Variants in LRRC75A observed in about 807,000 individuals in gnomAD.
LRRC75A encodes leucine-rich repeat-containing protein 75A.
In LRRC75A, 12 loss-of-function variants were observed where a neutral mutation model predicts 26.0. The ratio of observed to expected loss-of-function variants is 0.46; its 90% CI spans 0.30 to 0.75. LRRC75A has a LOEUF of 0.75. Among genes scored for constraint, LRRC75A ranks in the 30% least tolerant of loss-of-function variants. LRRC75A has a pLI of 0.08. For missense variants in LRRC75A, 410 were observed against 486.6 expected, an observed-to-expected ratio of 0.84 and a Z score of 1.48; for synonymous variants, 223 against 219.3, an observed-to-expected ratio of 1.02 and a Z score of -0.15.
rs1452730411 is a variant in LRRC75A at position 16,492,114 on chromosome 17, C to T, written c.-124G>A. 11 of 807,584 alleles carry T rather than the reference C, an allele frequency of 1.4e-5. No homozygotes were observed. The highest frequency in any genetic ancestry group is 1.7e-5 in the Non-Finnish European group (11 of 663,960). The allele number at this position is 807,584 out of a possible 1,614,324, so 50.0% of individuals were successfully genotyped here. A position where few individuals can be genotyped will look rare whatever the true frequency, so the allele number is the denominator to read the frequency against. ...CTGCAACTTTGGGGGAACTGTTGCG[C>T]GCGGGCGTCGCGGGGGCGGGCGGGC... On this transcript the variant is annotated 5_prime_UTR_variant, in exon 1 of 4. Coordinates refer to ENST00000470794, the MANE Select transcript of LRRC75A (RefSeq NM_001113567.3).
rs1204371573 is a variant in LRRC75A at position 16,441,992 on chromosome 17, A to G, written c.*1596T>C. 1 of 152,770 alleles carries G rather than the reference A, an allele frequency of 6.5e-6. No homozygotes were observed. Among genetic ancestry groups the G allele is most frequent in the East Asian group, 1.9e-4 (1 of 5,208 alleles). 9.5% of individuals were successfully genotyped at this position (152,770 alleles called of 1,614,324 possible). On this transcript the variant is annotated 3_prime_UTR_variant, in exon 4 of 4. Transcript: ENST00000470794. ...CATGCAGTTACCATGAACTAATACT[A>G]CAATAAAGGATGGTCTTGGGTGTCA...
chr17:16,489,505 C>A (rs2093853172), intron 1 of LRRC75A, among the ~76,000 whole-genome samples: 1 of 152,232 alleles, frequency 6.6e-6, no homozygotes, highest in Admixed American at 6.5e-5. Context: ...ACATCACCAC[C>A]ACCAGACTAG....
rs1240765741 is a variant in LRRC75A, at chr17:16,462,377, T to A, written c.256A>T (p.Met86Leu). 6.8e-6 allele frequency: 11 copies of A among 1,614,054 alleles called. No homozygotes were observed. Among genetic ancestry groups the A allele is most frequent in the African/African-American group, 5.3e-5 (4 of 75,070 alleles). The change falls in exon 2 of 4, where the codon ATG (methionine) becomes TTG (leucine). Residue 86 changes from methionine (M) to leucine (L), a missense_variant. Physicochemically the swap from Met to Leu is conservative, Grantham distance 15. Coordinates refer to ENST00000470794, the MANE Select transcript of LRRC75A (RefSeq NM_001113567.3). The surrounding 1 kb of genome is among the most constrained non-coding windows in gnomAD (Gnocchi z 4.6). ...ACGTCGTCTAGCGAGGTCGACTCCA[T>A]GCCCAGGTCCTGCAAGAGCAAAGGA... ...LLQHLRQDLG[M>L]ESTSLDDVLY...
At chr17:16,485,006 C>T (rs1193988566) in intron 1 of LRRC75A, among the ~76,000 whole-genome samples, 1 of 150,754 alleles carries the variant, frequency 6.6e-6, no homozygotes, top group African/African-American at 2.4e-5. Context: ...TGGAGAGCCA[C>T]GTGGGCACTG....
chr17:16,466,692 C>T (rs1049034032), intron 1 of LRRC75A, among the ~76,000 whole-genome samples: 1 of 152,120 alleles, frequency 6.6e-6, no homozygotes, highest in Non-Finnish European at 1.5e-5. Flanking sequence ...GGACCCAGCA[C>T]ACAGCAGCAC....
chr17:16,446,152 G>A (rs1319163757), intron 3 of LRRC75A, among the ~76,000 whole-genome samples: 4 of 152,104 alleles, frequency 2.6e-5, no homozygotes, highest in South Asian at 2.1e-4. Flanking sequence ...CAGGTGATCC[G>A]CCCATCTGGG....
intron 1 of LRRC75A, among the ~76,000 whole-genome samples, chr17:16,488,145 G>A (rs181029350): frequency 2.6e-5 from 4 of 152,288 alleles, no homozygotes; most frequent in Admixed American, 6.5e-5. Flanking sequence ...TCTCAATGGC[G>A]GAAGGTTATT....
intron 3 of LRRC75A, among the ~76,000 whole-genome samples, chr17:16,447,256 G>A (rs1450021820): frequency 6.6e-6 from 1 of 152,050 alleles, no homozygotes; most frequent in South Asian, 2.1e-4. Context: ...GAACCCCCTT[G>A]TTGCTGTATG....
chr17:16,456,641 A>G (rs56097826), intron 2 of LRRC75A, among the ~76,000 whole-genome samples: 32,857 of 152,092 alleles, frequency 0.22, 3,891 homozygotes, highest in Middle Eastern at 0.3. Flanking sequence ...CAGAGGGAAC[A>G]CAGAGGGAGG....
rs2093856281 is a variant in LRRC75A at position 16,491,148 on chromosome 17, C to A, written c.246+597G>T. 6.6e-6 allele frequency among the ~76,000 whole-genome samples: 1 copy of A among 152,268 alleles called. No individual in the cohort carries two copies. The highest frequency in any genetic ancestry group is 1.5e-5 in the Non-Finnish European group (1 of 68,050). On this transcript the variant is annotated intron_variant, in intron 1 of 3. Transcript: ENST00000470794. The surrounding 1 kb of genome is among the most constrained non-coding windows in gnomAD (Gnocchi z 5.9). The stretch of plus-strand genomic sequence containing the variant: ...ACCAAATCCAGCTCCCCTGTCTCTA[C>A]CGCTTTCCGCAGGGGCTCATGGTTG...
intron 2 of LRRC75A, among the ~76,000 whole-genome samples, chr17:16,456,337 GAGGAAGAGA>G (rs1366362092): frequency 2.1e-5 from 3 of 144,056 alleles, no homozygotes; most frequent in Non-Finnish European, 3.0e-5. Context: ...GGAAGAGGAG[GAGGAAGAGA>G]AGGAAGAGGA....
intron 1 of LRRC75A, among the ~76,000 whole-genome samples, chr17:16,481,583 T>G (rs1290514953): frequency 2.0e-5 from 3 of 152,026 alleles, no homozygotes; most frequent in Non-Finnish European, 2.9e-5. Context: ...CCCCGGCAGG[T>G]GCACTGCAGG....
chr17:16,442,005 G>A lies in LRRC75A; in HGVS notation c.*1583C>T, dbSNP rs976477333. On this transcript the variant is annotated 3_prime_UTR_variant, in exon 4 of 4. Coordinates refer to ENST00000470794, the MANE Select transcript of LRRC75A (RefSeq NM_001113567.3). ...TGAACTAATACTACAATAAAGGATG[G>A]TCTTGGGTGTCAATTCTTGAAAATG... 1 of 152,444 alleles carries A rather than the reference G, an allele frequency of 6.6e-6. No individual in the cohort carries two copies. Among genetic ancestry groups the A allele is most frequent in the Non-Finnish European group, 1.5e-5 (1 of 68,230 alleles). The allele number at this position is 152,444 out of a possible 1,614,324, so 9.4% of individuals were successfully genotyped here.
chr17:16,491,311 G>A lies in LRRC75A; in HGVS notation c.246+434C>T, dbSNP rs2093856578. Among the ~76,000 whole-genome samples, 1 of 152,186 alleles carries A rather than the reference G, an allele frequency of 6.6e-6. No homozygotes were observed. The highest frequency in any genetic ancestry group is 2.4e-5 in the African/African-American group (1 of 41,444). On this transcript the variant is annotated intron_variant, in intron 1 of 3. Coordinates refer to ENST00000470794, the MANE Select transcript of LRRC75A (RefSeq NM_001113567.3). This position sits in a 1 kb window ranked among gnomAD's most constrained non-coding sequence, Gnocchi z 5.9. The stretch of plus-strand genomic sequence containing the variant: ...GGGCTGTGCCCCTGGACTCGCTCTC[G>A]GGAAGCCAAGCCAGGTCCAACTGAT...
In LRRC75A at chr17:16,470,136, G is replaced by A. The variant is rs114549447; in HGVS notation, c.247-7750C>T. ...AGTGTTTGTCTTTTTTTGGTGCATC[G>A]TCTTAGGTGTCTTAGGGGAAAGCTA... On this transcript the variant is annotated intron_variant, in intron 1 of 3. Transcript: ENST00000470794. Among the ~76,000 whole-genome samples, 1,014 of 152,014 alleles carry A rather than the reference G, an allele frequency of 6.7e-3. 10 individuals are homozygous for A. Among genetic ancestry groups the A allele is most frequent in the African/African-American group, 0.023 (948 of 41,458 alleles).
intron 1 of LRRC75A, among the ~76,000 whole-genome samples, chr17:16,488,904 G>A (rs115990227): frequency 0.014 from 2,102 of 152,210 alleles, 53 homozygotes; most frequent in African/African-American, 0.048. Context: ...TCAGCCCACC[G>A]TGAACTGCCA....
rs1568969776 is a variant in LRRC75A at position 16,462,980 on chromosome 17, T to A, written c.247-594A>T. The A allele has an allele frequency of 6.5e-6, 1 of 154,702 alleles. No individual in the cohort carries two copies. Among genetic ancestry groups the A allele is most frequent in the East Asian group, 1.9e-4 (1 of 5,192 alleles). The allele number at this position is 154,702 out of a possible 1,614,324, so 9.6% of individuals were successfully genotyped here. A position where few individuals can be genotyped will look rare whatever the true frequency, so the allele number is the denominator to read the frequency against. ...TCTTCCCGATGGGAGGGGAGCAGCT[T>A]GGAGGCGAGTGCTACTAAGTGTGGT... On this transcript the variant is annotated intron_variant, in intron 1 of 3. Transcript: ENST00000470794. The surrounding 1 kb of genome is among the most constrained non-coding windows in gnomAD (Gnocchi z 4.6).
In LRRC75A at chr17:16,443,975, G is replaced by T. The variant is rs138838324; in HGVS notation, c.648C>A (p.Asp216Glu). 6.2e-7 allele frequency: 1 copy of T among 1,613,708 alleles called. No homozygotes were observed. Among genetic ancestry groups the T allele is most frequent in the East Asian group, 2.2e-5 (1 of 44,884 alleles). ...CTGGCAGCAGCTGCAGGACCATGTC[G>T]TCCGTGAGGCCTGTGAAGCCCAGCT... ...SVELGFTGLT[D>E]DMVLQLLPAL... The change falls in exon 4 of 4, where the codon GAC becomes GAA. Residue 216 changes from aspartate to glutamate, a missense_variant. Coordinates refer to ENST00000470794, the MANE Select transcript of LRRC75A (RefSeq NM_001113567.3).
rs1466852233 is a variant in LRRC75A, at chr17:16,462,665, C to A, written c.247-279G>T. On this transcript the variant is annotated intron_variant, in intron 1 of 3. Transcript: ENST00000470794. This position sits in a 1 kb window ranked among gnomAD's most constrained non-coding sequence, Gnocchi z 4.6. Reference sequence around the variant, plus strand: ...CTAGGACAGCCCCTGACCTTTGTCTCTCTGGTTTTCCAGAGGAGGAAGCCA... The same window carrying A: ...CTAGGACAGCCCCTGACCTTTGTCTATCTGGTTTTCCAGAGGAGGAAGCCA... 6.6e-6 allele frequency among the ~76,000 whole-genome samples: 1 copy of A among 152,238 alleles called. No individual in the cohort carries two copies. Among genetic ancestry groups the A allele is most frequent in the Non-Finnish European group, 1.5e-5 (1 of 68,044 alleles).
Sources: gnomAD v4.1 joint callset for allele counts (sites outside exome capture counted in the v4.1 genomes callset) on GRCh38, gnomAD v4.1.1 for gene constraint, Gnocchi (gnomAD v3.1) non-coding constraint, MANE v1.5 for transcripts, NCBI Gene and HGNC (gene_info 2026-07-23, HGNC 2026-07-21) for gene names.